MRTFB: variants seen among roughly 807,000 people sequenced by gnomAD.
The protein encoded by MRTFB is myocardin-related transcription factor B.
MRTFB carries 29 observed loss-of-function variants against 104.2 expected under a neutral mutation model. That is an observed-to-expected ratio of 0.28 (90% CI 0.21 to 0.38). The LOEUF is 0.38. MRTFB is among the 10% of genes least tolerant of loss of function. The pLI, the probability that MRTFB is intolerant of heterozygous loss-of-function variation, is 1.00. For missense variants in MRTFB, 1,270 were observed against 1,341.6 expected, an observed-to-expected ratio of 0.95 and a Z score of 0.83; for synonymous variants, 535 against 519.5, an observed-to-expected ratio of 1.03 and a Z score of -0.41.
At chr16:14,079,249 A>G (rs1391018036) in intron 1 of MRTFB, 41 bp from the exon 2 acceptor site, 2 of 339,140 alleles carry the variant, frequency 5.9e-6, no homozygotes, top group East Asian at 3.9e-5. Flanking sequence ...GGCATGTAGT[A>G]GGTGCTCAAT....
the MRTFB span, among the ~76,000 whole-genome samples, chr16:14,032,251 G>A: frequency 6.6e-6 from 1 of 152,204 alleles, no homozygotes. Flanking sequence ...TCCAGAGGTT[G>A]GGTTAATCAC....
chr16:14,138,881 A>T (rs2867051), intron 2 of MRTFB, among the ~76,000 whole-genome samples: 7,271 of 152,358 alleles, frequency 0.048, 430 homozygotes, highest in East Asian at 0.3. Context: ...ATGCCAAAAA[A>T]ACCTGAAAAA....
At chr16:14,216,752 C>G (rs780163645) in intron 6 of MRTFB, among the ~76,000 whole-genome samples, 1 of 152,150 alleles carries the variant, frequency 6.6e-6, no homozygotes, top group African/African-American at 2.4e-5. Context: ...GAAGCCAAAT[C>G]CAGAACTGTC....
intron 2 of MRTFB, among the ~76,000 whole-genome samples, chr16:14,131,241 A>G (rs2037423508): frequency 6.6e-6 from 1 of 152,178 alleles, no homozygotes; most frequent in African/African-American, 2.4e-5. Flanking sequence ...TTCATCTAAT[A>G]TAAATTCAAA....
chr16:14,242,709 C>G (rs938553312), intron 10 of MRTFB, among the ~76,000 whole-genome samples: 14 of 152,176 alleles, frequency 9.2e-5, no homozygotes, highest in African/African-American at 3.4e-4. Context: ...ACGCAGGTCT[C>G]TCATCTGCCG....
At chr16:14,135,757 C>T (rs1305054497) in intron 2 of MRTFB, among the ~76,000 whole-genome samples, 2 of 152,184 alleles carry the variant, frequency 1.3e-5, no homozygotes, top group Non-Finnish European at 2.9e-5. Flanking sequence ...TTAGAGTCCA[C>T]ATTCCTTTAC....
In MRTFB at chr16:14,266,438, C is replaced by T. The variant is rs2043949785; in HGVS notation, c.*4994C>T. ...AAAAAAGGAGAAAGATACCAATCTA[C>T]AGAGCCCTGCTTGTTGAAGCACTAG... is the stretch of plus-strand genomic sequence containing the variant. On this transcript the variant is annotated 3_prime_UTR_variant, in exon 17 of 17. Coordinates refer to ENST00000571589, the MANE Select transcript of MRTFB (RefSeq NM_001308142.2). The T allele has an allele frequency of 6.6e-6, 1 of 152,174 alleles. No homozygotes were observed. The highest frequency in any genetic ancestry group is 2.4e-5 in the African/African-American group (1 of 41,452). The allele number at this position is 152,174 out of a possible 1,614,324, so 9.4% of individuals were successfully genotyped here.
the MRTFB span, among the ~76,000 whole-genome samples, chr16:13,998,019 G>A: frequency 3.8e-3 from 575 of 152,166 alleles, 3 homozygotes; most frequent in African/African-American, 8.4e-3. Context: ...CTCAGAGAGC[G>A]TGACATTTGA....
the MRTFB span, among the ~76,000 whole-genome samples, chr16:14,007,730 T>C: frequency 2.0e-5 from 3 of 152,228 alleles, no homozygotes; most frequent in Non-Finnish European, 4.4e-5. Flanking sequence ...CCAACAGTTA[T>C]TACGATCTGT....
the MRTFB span, among the ~76,000 whole-genome samples, chr16:14,060,942 C>G: frequency 2.0e-4 from 30 of 152,194 alleles, no homozygotes; most frequent in South Asian, 8.3e-4. Context: ...GTCAGGAGAT[C>G]GAGACCATCC....
chr16:14,144,960 A>T (rs1041253029), intron 3 of MRTFB, among the ~76,000 whole-genome samples: 5 of 140,544 alleles, frequency 3.6e-5, no homozygotes, highest in African/African-American at 1.2e-4. Context: ...AAAAAAAAAA[A>T]AATAAATAAA....
At position 14,246,809 on chromosome 16, in the gene MRTFB, A is replaced by G. The variant is rs761235502; in HGVS notation, c.1549A>G (p.Thr517Ala). 4.3e-6 allele frequency: 7 copies of G among 1,613,414 alleles called. No individual in the cohort carries two copies. The highest frequency in any genetic ancestry group is 5.9e-6 in the Non-Finnish European group (7 of 1,180,038). Reference protein sequence around the residue: ...PSPSEQSSLSTDDTNMADTFT... With the variant: ...PSPSEQSSLSADDTNMADTFT... ...TCCCTCCGAACAGTCCAGTCTCAGT[A>G]CTGATGACACAAACATGGCAGACAC... Residue 517 changes from threonine to alanine, a missense_variant, in exon 12 of 17, where the codon ACT becomes GCT. Around this residue, in one of 3 missense-constraint regions of MRTFB, gnomAD observed 1,144 missense variants for 1,131.5 expected, o/e 1.01. Transcript: ENST00000571589.
chr16:14,136,273 CA>C (rs1267132037), intron 2 of MRTFB, among the ~76,000 whole-genome samples: 7 of 136,890 alleles, frequency 5.1e-5, no homozygotes, highest in Non-Finnish European at 9.6e-5. Flanking sequence ...GACTCTGTCT[CA>C]AAAAAAAAAG....
intron 9 of MRTFB, among the ~76,000 whole-genome samples, chr16:14,236,666 T>G (rs1255498608): frequency 6.6e-6 from 1 of 152,118 alleles, no homozygotes; most frequent in Non-Finnish European, 1.5e-5. Flanking sequence ...GAAGAAAATT[T>G]GACCAAGGCA....
chr16:14,248,921 C>G lies in MRTFB; in HGVS notation c.2248-5C>G, dbSNP rs575326519. ...AATTGATGTTTTTTTCAATTCACCT[C>G]CTAGACTTCACCACAAGCAGGAATG... On this transcript the variant is annotated splice_polypyrimidine_tract_variant and splice_region_variant and intron_variant, in intron 12 of 16. Coordinates refer to ENST00000571589, the MANE Select transcript of MRTFB (RefSeq NM_001308142.2). The G allele has an allele frequency of 3.1e-6, 5 of 1,613,260 alleles. No individual in the cohort carries two copies. In the South Asian group the frequency reaches 3.3e-5, roughly 11 times the overall value.
At chr16:14,112,648 T>G (rs1187017268) in intron 2 of MRTFB, among the ~76,000 whole-genome samples, 1 of 152,238 alleles carries the variant, frequency 6.6e-6, no homozygotes, top group Non-Finnish European at 1.5e-5. Context: ...TCCAGGCCTG[T>G]GTGACCTGAC....
intron 8 of MRTFB, among the ~76,000 whole-genome samples, chr16:14,229,880 C>T (rs2042179596): frequency 6.6e-6 from 1 of 152,020 alleles, no homozygotes; most frequent in South Asian, 2.1e-4. Flanking sequence ...GTGGTCAGAT[C>T]CAATAAGACA....
chr16:14,228,455 A>T (rs2042107692), intron 8 of MRTFB, among the ~76,000 whole-genome samples: 1 of 152,204 alleles, frequency 6.6e-6, no homozygotes, highest in South Asian at 2.1e-4. Context: ...CGTGCCTGTA[A>T]TCCCAGCTAC....
At chr16:14,209,687 G>A (rs79387276) in intron 3 of MRTFB, among the ~76,000 whole-genome samples, 3,801 of 152,192 alleles carry the variant, frequency 0.025, 178 homozygotes, top group African/African-American at 0.087. Context: ...AACTTATAGA[G>A]TGAGATACAT....
Sources: allele counts gnomAD v4.1 joint callset (sites outside exome capture counted in the v4.1 genomes callset), GRCh38; gene constraint gnomAD v4.1.1; regional missense constraint gnomAD v4.1.1; transcripts MANE v1.5; gene names NCBI Gene and HGNC (gene_info 2026-07-23, HGNC 2026-07-21).